Variants in GPC6 observed in about 807,000 individuals in gnomAD.
The protein encoded by GPC6 is glypican-6.
GPC6 carries 14 observed loss-of-function variants against 55.2 expected under a neutral mutation model. That is an observed-to-expected ratio of 0.25 (90% confidence interval 0.17 to 0.40). The LOEUF (loss-of-function observed/expected upper bound fraction) is 0.40. Ranked by LOEUF, GPC6 falls within the 10% of genes least tolerant of loss-of-function variation. The pLI is 1.00. For synonymous variants in GPC6, 278 were observed against 259.6 expected (o/e 1.07, Z -0.68); for missense variants, 641 against 708.5 (o/e 0.90, Z 1.08).
intron 3 of GPC6, among the ~76,000 whole-genome samples, chr13:93,916,038 G>A (rs1260666137): frequency 6.6e-6 from 1 of 151,950 alleles, no homozygotes; most frequent in Non-Finnish European, 1.5e-5. Flanking sequence ...TGTTTTCCCT[G>A]GGAGTCCTTC....
intron 1 of GPC6, among the ~76,000 whole-genome samples, chr13:93,432,271 G>A (rs911910875): frequency 6.6e-6 from 1 of 152,172 alleles, no homozygotes; most frequent in Non-Finnish European, 1.5e-5. Flanking sequence ...ACGAGCAACA[G>A]TGATGAACAG....
At chr13:93,748,960 C>T (rs888184497) in intron 2 of GPC6, among the ~76,000 whole-genome samples, 2 of 151,928 alleles carry the variant, frequency 1.3e-5, no homozygotes, top group African/African-American at 2.4e-5. Flanking sequence ...GAATACTGTT[C>T]GTCATTTGTA....
intron 3 of GPC6, among the ~76,000 whole-genome samples, chr13:93,898,534 A>T (rs1403057753): frequency 2.0e-5 from 3 of 152,146 alleles, no homozygotes; most frequent in East Asian, 3.8e-4. Flanking sequence ...TAAGCAGATT[A>T]ATCAGCGGAC....
intron 3 of GPC6, among the ~76,000 whole-genome samples, chr13:93,834,571 G>A (rs1203775501): frequency 6.6e-6 from 1 of 152,026 alleles, no homozygotes; most frequent in Non-Finnish European, 1.5e-5. Flanking sequence ...CCAGGTGCTT[G>A]AGGAGTGTGT....
intron 1 of GPC6, among the ~76,000 whole-genome samples, chr13:93,458,401 A>G (rs919507579): frequency 2.2e-4 from 33 of 151,768 alleles, no homozygotes; most frequent in African/African-American, 7.3e-4. Context: ...CTTGTTTCTT[A>G]CCTTCCCTGC....
At chr13:93,589,446 C>G (rs1877361653) in intron 2 of GPC6, among the ~76,000 whole-genome samples, 1 of 152,190 alleles carries the variant, frequency 6.6e-6, no homozygotes, top group Admixed American at 6.5e-5. Flanking sequence ...TATTGATAAA[C>G]CAATTTACTT....
intron 1 of GPC6, among the ~76,000 whole-genome samples, chr13:93,465,655 T>A (rs1878877441): frequency 6.6e-6 from 1 of 152,208 alleles, no homozygotes; most frequent in Non-Finnish European, 1.5e-5. Context: ...TAATAGTTCC[T>A]CCATATCAGC....
intron 1 of GPC6, among the ~76,000 whole-genome samples, chr13:93,342,645 A>C (rs533636472): frequency 6.6e-6 from 1 of 152,268 alleles, no homozygotes; most frequent in East Asian, 1.9e-4. Context: ...CTAGGAGAGA[A>C]ACGATGGTGG....
At chr13:93,467,075 T>C (rs1265418378) in intron 1 of GPC6, among the ~76,000 whole-genome samples, 1 of 152,232 alleles carries the variant, frequency 6.6e-6, no homozygotes, top group Admixed American at 6.5e-5. Context: ...AAGTCTTAAA[T>C]ATTTTTCTGT....
At chr13:93,644,879 T>G (rs1880108833) in intron 2 of GPC6, among the ~76,000 whole-genome samples, 1 of 152,110 alleles carries the variant, frequency 6.6e-6, no homozygotes, top group Non-Finnish European at 1.5e-5. Flanking sequence ...GGTGCAAAAC[T>G]TCGCCAAATG....
At chr13:94,146,824 G>A (rs1304316652) in intron 4 of GPC6, among the ~76,000 whole-genome samples, 1 of 152,080 alleles carries the variant, frequency 6.6e-6, no homozygotes, top group Non-Finnish European at 1.5e-5. Flanking sequence ...AGATAACTTG[G>A]GGATAAAATG....
At chr13:93,693,964 AGTAT>A in intron 2 of GPC6, among the ~76,000 whole-genome samples, 1 of 152,316 alleles carries the variant, frequency 6.6e-6, no homozygotes, top group Middle Eastern at 3.4e-3. Flanking sequence ...ACTGTATTTA[AGTAT>A]GTATGTAAGT....
intron 1 of GPC6, among the ~76,000 whole-genome samples, chr13:93,253,856 T>A (rs1876866368): frequency 6.6e-6 from 1 of 152,284 alleles, no homozygotes; most frequent in Admixed American, 6.5e-5. Context: ...AGAGATTTAA[T>A]GTAAAATTAA....
chr13:93,369,975 C>T (rs1881393354), intron 1 of GPC6, among the ~76,000 whole-genome samples: 1 of 152,034 alleles, frequency 6.6e-6, no homozygotes, highest in Non-Finnish European at 1.5e-5. Context: ...TGCCAATAGA[C>T]ATCCCCCCAA....
intron 3 of GPC6, among the ~76,000 whole-genome samples, chr13:93,970,870 C>T (rs1156495670): frequency 2.0e-5 from 3 of 152,154 alleles, no homozygotes; most frequent in African/African-American, 4.8e-5. Flanking sequence ...TTAATGCCCT[C>T]ATTATATATT....
chr13:93,965,163 C>T (rs1416744193), intron 3 of GPC6, among the ~76,000 whole-genome samples: 2 of 122,776 alleles, frequency 1.6e-5, no homozygotes, highest in African/African-American at 6.2e-5. Context: ...TAAAAATAAC[C>T]ACGATTGGGA....
chr13:93,610,128 C>G (rs1878403011), intron 2 of GPC6, among the ~76,000 whole-genome samples: 1 of 152,170 alleles, frequency 6.6e-6, no homozygotes, highest in African/African-American at 2.4e-5. Context: ...GATACAATAT[C>G]TTCCCTGTGG....
intron 4 of GPC6, among the ~76,000 whole-genome samples, chr13:94,271,374 G>T (rs1488036276): frequency 1.8e-5 from 2 of 108,370 alleles, no homozygotes; most frequent in African/African-American, 6.6e-5. Flanking sequence ...ACACGCGCGC[G>T]CGCGCGCGCA....
At chr13:93,989,657 T>C (rs1474866022) in intron 3 of GPC6, among the ~76,000 whole-genome samples, 1 of 152,120 alleles carries the variant, frequency 6.6e-6, no homozygotes, top group African/African-American at 2.4e-5. Flanking sequence ...GCAGCAATAA[T>C]GTCAGACTGG....
Sources: allele counts gnomAD v4.1 joint callset (sites outside exome capture counted in the v4.1 genomes callset), GRCh38; gene constraint gnomAD v4.1.1; transcripts MANE v1.5; gene names NCBI Gene and HGNC (gene_info 2026-07-23, HGNC 2026-07-21).